Variants in ARFGEF2 observed in about 807,000 individuals in gnomAD.
ARFGEF2 encodes brefeldin A-inhibited guanine nucleotide-exchange protein 2.
ARFGEF2 carries 74 observed loss-of-function variants against 219.9 expected under a neutral mutation model. That is an observed-to-expected ratio of 0.34 (90% confidence interval 0.28 to 0.41). ARFGEF2 has a LOEUF of 0.41. Among genes scored for constraint, ARFGEF2 ranks in the 10% least tolerant of loss-of-function variants. ARFGEF2 has a pLI of 1.00. For missense variants in ARFGEF2, 1,743 were observed against 2,218.3 expected (o/e 0.79, Z 4.30); for synonymous variants, 733 against 799.2 (o/e 0.92, Z 1.40).
chr20:49,020,003 CCATGTGTATTGTTT>C (rs1182383033), intron 34 of ARFGEF2, among the ~76,000 whole-genome samples: 1 of 152,150 alleles, frequency 6.6e-6, no homozygotes, highest in Non-Finnish European at 1.5e-5. Context: ...ACTGTGTGTT[CCATGTGTATTGTTT>C]CATGTAATCC....
At chr20:48,937,143 C>T (rs1274393427) in intron 1 of ARFGEF2, among the ~76,000 whole-genome samples, 2 of 152,202 alleles carry the variant, frequency 1.3e-5, no homozygotes, top group South Asian at 2.1e-4. Flanking sequence ...TCCACCTGCA[C>T]GGGCTCTGTC....
At chr20:49,028,777 CA>C (rs2091617683) in intron 37 of ARFGEF2, 109 bp downstream of exon 37, 1 of 1,289,348 alleles carries the variant, frequency 7.8e-7, no homozygotes. Flanking sequence ...GACACTCTGA[CA>C]AATTTTTTTT....
chr20:49,009,661 T>G (rs2091483885), intron 26 of ARFGEF2, among the ~76,000 whole-genome samples: 1 of 152,208 alleles, frequency 6.6e-6, no homozygotes, highest in Admixed American at 6.5e-5. Flanking sequence ...TCTTCAGGTT[T>G]TACTTTATAA....
chr20:49,002,961 TAAC>T (rs1032169523), intron 25 of ARFGEF2, among the ~76,000 whole-genome samples: 2 of 145,166 alleles, frequency 1.4e-5, no homozygotes, highest in Non-Finnish European at 3.0e-5. Context: ...TTTATTTTTT[TAAC>T]TTTTTTTTTT....
chr20:48,926,056 TATC>T (rs2090875092), intron 1 of ARFGEF2, among the ~76,000 whole-genome samples: 1 of 152,208 alleles, frequency 6.6e-6, no homozygotes. Context: ...TTCTCACTAT[TATC>T]ATCATTCCCA....
chr20:48,921,833 G>C lies in ARFGEF2; in HGVS notation c.-57G>C. 2 of 1,443,066 alleles carry C rather than the reference G, an allele frequency of 1.4e-6. No homozygotes were observed. Among genetic ancestry groups the C allele is most frequent in the Non-Finnish European group, 1.8e-6 (2 of 1,089,020 alleles). The allele number at this position is 1,443,066 out of a possible 1,614,324, so 89.4% of individuals were successfully genotyped here. A position where few individuals can be genotyped will look rare whatever the true frequency, so the allele number is the denominator to read the frequency against. ...GGACGCCGGGCCCGCAGCCTAGCTC[G>C]CCATCTCGCTCACGCCGCCCGCCCG... On this transcript the variant is annotated 5_prime_UTR_variant, in exon 1 of 39. Coordinates refer to ENST00000371917, the MANE Select transcript of ARFGEF2 (RefSeq NM_006420.3).
At chr20:48,935,815 G>A (rs935167716) in intron 1 of ARFGEF2, among the ~76,000 whole-genome samples, 6 of 136,878 alleles carry the variant, frequency 4.4e-5, no homozygotes, top group Admixed American at 1.4e-4. Context: ...CTGGCCGGGC[G>A]GGGGGCTGAC....
chr20:48,963,990 C>T (rs1445497220), intron 7 of ARFGEF2, 92 bp downstream of exon 7: 1 of 1,181,490 alleles, frequency 8.5e-7, no homozygotes, highest in Non-Finnish European at 1.2e-6. Flanking sequence ...TTCCTCTTCC[C>T]TGCCCTAAGA....
At chr20:48,983,548 G>T (rs144524498) in intron 14 of ARFGEF2, among the ~76,000 whole-genome samples, 1 of 152,268 alleles carries the variant, frequency 6.6e-6, no homozygotes, top group East Asian at 1.9e-4. Context: ...CAGGTTTCCT[G>T]TTCTGCACCA....
chr20:48,944,739 T>A (rs1427713033), intron 3 of ARFGEF2, among the ~76,000 whole-genome samples: 1 of 152,148 alleles, frequency 6.6e-6, no homozygotes, highest in Non-Finnish European at 1.5e-5. Flanking sequence ...GTTTGGGGAT[T>A]ACAAACATGA....
intron 1 of ARFGEF2, among the ~76,000 whole-genome samples, chr20:48,936,262 A>C (rs937297364): frequency 4.0e-5 from 4 of 100,710 alleles, no homozygotes; most frequent in South Asian, 3.4e-4. Flanking sequence ...TGACCCCCCC[A>C]CCCCTGCCGG....
At chr20:48,953,942 A>G in intron 6 of ARFGEF2, 152 bp downstream of exon 6, 1 of 846,410 alleles carries the variant, frequency 1.2e-6, no homozygotes, top group Non-Finnish European at 1.9e-6. Flanking sequence ...CTCTTAGGGA[A>G]CACAACCAGT....
intron 35 of ARFGEF2, among the ~76,000 whole-genome samples, chr20:49,024,122 C>T (rs1032820014): frequency 6.6e-6 from 1 of 152,148 alleles, no homozygotes; most frequent in Admixed American, 6.5e-5. Context: ...CAGGCACATG[C>T]CGCCATGCCC....
At chr20:48,938,856 G>C (rs928036884) in intron 1 of ARFGEF2, among the ~76,000 whole-genome samples, 2 of 152,156 alleles carry the variant, frequency 1.3e-5, no homozygotes, top group African/African-American at 4.8e-5. Context: ...TGGAGAGGGG[G>C]TCCTGTCATT....
chr20:48,987,419 A>G (rs1342486071), intron 16 of ARFGEF2, among the ~76,000 whole-genome samples: 1 of 152,248 alleles, frequency 6.6e-6, no homozygotes, highest in Non-Finnish European at 1.5e-5. Context: ...CAAAAAAGTC[A>G]GACTTCACCA....
intron 14 of ARFGEF2, among the ~76,000 whole-genome samples, chr20:48,980,003 T>C (rs1489962600): frequency 6.6e-6 from 1 of 152,178 alleles, no homozygotes; most frequent in Non-Finnish European, 1.5e-5. Flanking sequence ...CTGATCTTAG[T>C]TATTTCTTGC....
At chr20:48,981,349 C>T (rs1012783052) in intron 14 of ARFGEF2, among the ~76,000 whole-genome samples, 13 of 152,172 alleles carry the variant, frequency 8.5e-5, no homozygotes, top group Admixed American at 3.9e-4. Context: ...CTGAGAGATC[C>T]GCTATTAGTC....
rs2091649046 is a variant in ARFGEF2 at position 49,033,416 on chromosome 20, G to A, written c.*217G>A. The A allele has an allele frequency of 7.3e-6, 4 of 550,362 alleles. No individual in the cohort carries two copies. The highest frequency in any genetic ancestry group is 5.6e-5 in the African/African-American group (3 of 53,300). The allele number at this position is 550,362 out of a possible 1,614,324, so 34.1% of individuals were successfully genotyped here. On this transcript the variant is annotated 3_prime_UTR_variant, in exon 39 of 39. Transcript: ENST00000371917. ...TGCATACCCAGTTAGCACAGTAGGTGGGGAGTCTGCTTCATTTCTATCATT... is the reference window on the plus strand; with the variant it reads ...TGCATACCCAGTTAGCACAGTAGGTAGGGAGTCTGCTTCATTTCTATCATT...
chr20:48,976,697 A>G (rs1017175124), intron 14 of ARFGEF2, among the ~76,000 whole-genome samples: 1 of 151,942 alleles, frequency 6.6e-6, no homozygotes, highest in Non-Finnish European at 1.5e-5. Flanking sequence ...AGTCCCAGCT[A>G]CTCGGGAGGC....
Sources: allele counts gnomAD v4.1 joint callset (sites outside exome capture counted in the v4.1 genomes callset), GRCh38; gene constraint gnomAD v4.1.1; transcripts MANE v1.5; gene names NCBI Gene and HGNC (gene_info 2026-07-23, HGNC 2026-07-21).